The following FBXL5 variants were observed in gnomAD, a reference collection of about 807,000 sequenced individuals.
FBXL5 encodes F-box and leucine rich repeat protein 5, also known as F-box/LRR-repeat protein 5.
A neutral mutation model predicts 78.3 loss-of-function variants in FBXL5; 26 were observed. The observed-to-expected ratio is 0.33, with a 90% CI of 0.24 to 0.46. The LOEUF is 0.46. FBXL5 is among the 20% of genes least tolerant of loss of function. The probability of loss-of-function intolerance (pLI) is 1.00; values close to 1 mark genes in which losing one functional copy is unlikely to be tolerated. For synonymous variants in FBXL5, 295 were observed against 282.5 expected (o/e 1.04, Z -0.45); for missense variants, 710 against 829.2 (o/e 0.86, Z 1.77).
intron 5 of FBXL5, among the ~76,000 whole-genome samples, chr4:15,635,475 C>T (rs557758847): frequency 1.8e-4 from 27 of 151,938 alleles, no homozygotes; most frequent in African/African-American, 3.4e-4. Context: ...TCCCCTGGGC[C>T]GGGTCTGGTG....
At position 15,625,965 on chromosome 4, in the gene FBXL5, A is replaced by G; in HGVS notation, c.1137T>C (p.Leu379=). Residue 379 remains leucine (L), a synonymous_variant, in exon 9 of 11, where the codon CTT becomes CTC. Transcript: ENST00000341285. ...SDSAFDSWSW[L]GCCQSLRHLD... is the part of the protein sequence containing the mutation. ...GATGCCGAAGACTCTGGCAGCAACC[A>G]AGCCAAGACCAACTATAATTAAAAG... 6.4e-7 allele frequency: 1 copy of G among 1,569,040 alleles called. No individual in the cohort carries two copies. The highest frequency in any genetic ancestry group is 8.6e-7 in the Non-Finnish European group (1 of 1,163,530).
chr4:15,638,795 A>G (rs1382390872), intron 3 of FBXL5, 101 bp from the exon 4 acceptor site: 1 of 683,926 alleles, frequency 1.5e-6, no homozygotes, highest in East Asian at 3.1e-5. Context: ...TATTATGACC[A>G]TATATCTCAA....
At position 15,605,463 on chromosome 4, in the gene FBXL5, AT is replaced by A. The variant is rs1721824048; in HGVS notation, c.*259del. On this transcript the variant is annotated 3_prime_UTR_variant, in exon 11 of 11. Transcript: ENST00000341285. ...TGGCATTACCAACATTCTTTAAAGC[AT>A]TTCATTTAAAAGAAAAATGTAAGAC... is the stretch of plus-strand genomic sequence containing the variant. 1 of 361,864 alleles carries A rather than the reference AT, an allele frequency of 2.8e-6. No individual in the cohort carries two copies. Among genetic ancestry groups the A allele is most frequent in the Non-Finnish European group, 5.1e-6 (1 of 195,532 alleles). 22.4% of individuals were successfully genotyped at this position (361,864 alleles called of 1,614,324 possible). A position where few individuals can be genotyped will look rare whatever the true frequency, so the allele number is the denominator to read the frequency against.
At chr4:15,655,878 G>T (rs1056909274), upstream of FBXL5, among the ~76,000 whole-genome samples, 11 of 152,212 alleles carry the variant, frequency 7.2e-5, no homozygotes, top group Non-Finnish European at 1.3e-4. Flanking sequence ...CCACTCAAAG[G>T]CCGGGCCTGG....
At chr4:15,680,382 T>C (rs1199395532) in intron 1 of FBXL5, among the ~76,000 whole-genome samples, 1 of 152,058 alleles carries the variant, frequency 6.6e-6, no homozygotes, top group African/African-American at 2.4e-5. Context: ...AAAAATCCAG[T>C]GGGAGAGGCT....
At chr4:15,636,395 T>A (rs756317527) in intron 5 of FBXL5, 99 bp downstream of exon 5, 76 of 960,782 alleles carry the variant, frequency 7.9e-5, no homozygotes, top group Middle Eastern at 2.8e-4. Context: ...ACTTTTTGAT[T>A]GACCTCTCAG....
chr4:15,641,094 AT>A (rs1714823827), intron 2 of FBXL5, among the ~76,000 whole-genome samples: 2 of 152,164 alleles, frequency 1.3e-5, no homozygotes, highest in Non-Finnish European at 2.9e-5. Flanking sequence ...TATTTTTAAA[AT>A]ATCATAAAAA....
At position 15,625,347 on chromosome 4, in the gene FBXL5, A is replaced by T; in HGVS notation, c.1755T>A (p.Ile585=). Residue 585 remains isoleucine (I), a synonymous_variant, in exon 9 of 11, where the codon ATT becomes ATA. Transcript: ENST00000341285. ...RTRLPRGKDL[I]YFGSEKSDQE... Reference sequence around the variant, plus strand: ...GATCAGATTTTTCACTCCCAAAGTAAATTAAGTCTTTTCCCCTAGGCAATC... The same window carrying T: ...GATCAGATTTTTCACTCCCAAAGTATATTAAGTCTTTTCCCCTAGGCAATC... 6.2e-7 allele frequency: 1 copy of T among 1,614,188 alleles called. No individual in the cohort carries two copies. Among genetic ancestry groups the T allele is most frequent in the Non-Finnish European group, 8.5e-7 (1 of 1,180,036 alleles).
Position 15,638,565 on chromosome 4 carries a change from G to C in FBXL5, c.526C>G (p.His176Asp). 6.2e-7 allele frequency: 1 copy of C among 1,607,438 alleles called. No individual in the cohort carries two copies. The highest frequency in any genetic ancestry group is 2.2e-5 in the East Asian group (1 of 44,768). Residue 176 changes from histidine to aspartate, a missense_variant, in exon 4 of 11, where the codon CAT (histidine) becomes GAT (aspartate). Transcript: ENST00000341285. ...AAAAACTTCTGTCGCTCTTCAGCAT[G>C]ATTCCATAGGCTAAGACCTCTAAGG... ...ELLRGLSLWN[H>D]AEERQKFFKY...
At chr4:15,632,495 T>G (rs1266068060) in intron 5 of FBXL5, among the ~76,000 whole-genome samples, 1 of 152,212 alleles carries the variant, frequency 6.6e-6, no homozygotes, top group Non-Finnish European at 1.5e-5. Context: ...ATCTACAAAT[T>G]ACCTTGGGCA....
intron 6 of FBXL5, among the ~76,000 whole-genome samples, chr4:15,628,850 T>C (rs1713342752): frequency 6.6e-6 from 1 of 151,978 alleles, no homozygotes; most frequent in Non-Finnish European, 1.5e-5. Flanking sequence ...TGAGCCCTAC[T>C]ATAATTTTAT....
intron 1 of FBXL5, among the ~76,000 whole-genome samples, chr4:15,650,082 A>C (rs991384178): frequency 2.6e-5 from 4 of 152,130 alleles, no homozygotes; most frequent in African/African-American, 9.7e-5. Flanking sequence ...CATCCCCCAG[A>C]GATAAAAGGC....
At chr4:15,616,632 A>G (rs563837741) in intron 9 of FBXL5, among the ~76,000 whole-genome samples, 23 of 152,238 alleles carry the variant, frequency 1.5e-4, no homozygotes, top group Admixed American at 9.2e-4. Flanking sequence ...CCTTCTCCCT[A>G]TGGTCTTTCC....
chr4:15,632,481 C>T (rs897149971), intron 5 of FBXL5, among the ~76,000 whole-genome samples: 2 of 152,236 alleles, frequency 1.3e-5, no homozygotes, highest in South Asian at 4.1e-4. Flanking sequence ...GGCAATGGCA[C>T]TGAATCTACA....
intron 3 of FBXL5, among the ~76,000 whole-genome samples, 153 bp downstream of exon 3, chr4:15,640,635 T>C (rs1027973612): frequency 1.3e-5 from 2 of 152,084 alleles, no homozygotes; most frequent in South Asian, 4.1e-4. Flanking sequence ...GTTTTTTTTT[T>C]CCCTTGGGTT....
At chr4:15,624,939 T>C (rs1051557614) in intron 9 of FBXL5, among the ~76,000 whole-genome samples, 1 of 152,360 alleles carries the variant, frequency 6.6e-6, no homozygotes, top group Non-Finnish European at 1.5e-5. Context: ...TACATGTTCT[T>C]GAGAGTAAAA....
At chr4:15,625,132 T>C in intron 9 of FBXL5, 120 bp downstream of exon 9, 2 of 1,141,062 alleles carry the variant, frequency 1.8e-6, no homozygotes, top group Non-Finnish European at 2.4e-6. Flanking sequence ...AGGGCAGATC[T>C]TGGTTAATCC....
At chr4:15,607,625 A>T (rs968996848) in intron 10 of FBXL5, among the ~76,000 whole-genome samples, 2 of 152,126 alleles carry the variant, frequency 1.3e-5, no homozygotes, top group Non-Finnish European at 2.9e-5. Context: ...CCCACTGTGC[A>T]CCACCCAATC....
At chr4:15,641,374 C>T in intron 2 of FBXL5, 1 of 342,900 alleles carries the variant, frequency 2.9e-6, no homozygotes, top group South Asian at 2.4e-5. Flanking sequence ...ACAGCAAGAC[C>T]AACCCCACCT....
Sources: allele counts gnomAD v4.1 joint callset (sites outside exome capture counted in the v4.1 genomes callset), GRCh38; gene constraint gnomAD v4.1.1; transcripts MANE v1.5; gene names NCBI Gene and HGNC (gene_info 2026-07-23, HGNC 2026-07-21).